The following NOSTRIN variants were observed in gnomAD, a reference collection of about 807,000 sequenced individuals.
NOSTRIN encodes BM247 homolog.
NOSTRIN carries 63 observed loss-of-function variants against 59.0 expected under a neutral mutation model. The ratio of observed to expected loss-of-function variants is 1.07; its 90% CI spans 0.87 to 1.32. NOSTRIN has a LOEUF of 1.32. Ranked by LOEUF, NOSTRIN falls within the 40% of genes most tolerant of loss-of-function variation. NOSTRIN has a pLI of 0.00. For missense variants in NOSTRIN, 512 were observed against 473.1 expected (o/e 1.08, Z -0.76); for synonymous variants, 200 against 165.4 (o/e 1.21, Z -1.61).
intron 2 of NOSTRIN, among the ~76,000 whole-genome samples, chr2:168,817,157 A>T (rs1219007955): frequency 6.6e-6 from 1 of 152,228 alleles, no homozygotes; most frequent in Non-Finnish European, 1.5e-5. Context: ...GATATGGAAA[A>T]GATGATACAT....
chr2:168,864,147 T>C (rs568729913), intron 15 of NOSTRIN, among the ~76,000 whole-genome samples: 38 of 152,240 alleles, frequency 2.5e-4, no homozygotes, highest in African/African-American at 8.4e-4. Flanking sequence ...TTTGTATTTT[T>C]AGTAGAGACG....
chr2:168,797,446 T>A (rs1384831769), upstream of NOSTRIN, among the ~76,000 whole-genome samples: 1 of 152,024 alleles, frequency 6.6e-6, no homozygotes, highest in Non-Finnish European at 1.5e-5. Context: ...AAGAGGTGTG[T>A]GCAATGGATA....
intron 6 of NOSTRIN, among the ~76,000 whole-genome samples, chr2:168,832,977 G>A (rs1034302655): frequency 3.9e-5 from 6 of 152,086 alleles, no homozygotes; most frequent in South Asian, 2.1e-4. Context: ...GCTTTCACAG[G>A]AATTCAGTAC....
intron 13 of NOSTRIN, among the ~76,000 whole-genome samples, chr2:168,860,407 A>T (rs1253916320): frequency 6.6e-6 from 1 of 152,096 alleles, no homozygotes; most frequent in Non-Finnish European, 1.5e-5. Context: ...GCAGTGGCTC[A>T]TGCCTGTAAT....
upstream of NOSTRIN, among the ~76,000 whole-genome samples, chr2:168,796,452 T>C (rs1685482272): frequency 6.6e-6 from 1 of 152,240 alleles, no homozygotes; most frequent in Admixed American, 6.5e-5. Flanking sequence ...GCGGGCCAGC[T>C]GCCCCAAGCC....
At position 168,828,514 on chromosome 2, in the gene NOSTRIN, C is replaced by A. The variant is rs1321544824; in HGVS notation, c.342+13C>A. ...GAAGAGAAAATCAGTGAGTCCAAAC[C>A]TTTCTTTACTCTTCCTGTTTAAAGC... is the stretch of plus-strand genomic sequence containing the variant. On this transcript the variant is annotated intron_variant, in intron 5 of 15. Coordinates refer to ENST00000317647, the MANE Select transcript of NOSTRIN (RefSeq NM_001039724.4). 1.2e-6 allele frequency: 1 copy of A among 847,832 alleles called. No individual in the cohort carries two copies. Among genetic ancestry groups the A allele is most frequent in the South Asian group, 1.4e-5 (1 of 70,456 alleles). The allele number at this position is 847,832 out of a possible 1,614,324, so 52.5% of individuals were successfully genotyped here.
At chr2:168,856,409 T>C (rs1243069539) in intron 11 of NOSTRIN, 4 of 371,630 alleles carry the variant, frequency 1.1e-5, no homozygotes. Flanking sequence ...ACTGTGTCTC[T>C]ACTAAAAATA....
rs1428710049 is a variant in NOSTRIN, at chr2:168,856,725, T to A, written c.1000T>A (p.Ser334Thr). The A allele has an allele frequency of 5.6e-6, 9 of 1,613,994 alleles. No individual in the cohort carries two copies. Among genetic ancestry groups the A allele is most frequent in the Non-Finnish European group, 7.6e-6 (9 of 1,179,998 alleles). Residue 334 changes from serine (S) to threonine (T), a missense_variant, in exon 12 of 16, where the codon TCC becomes ACC. Ser to Thr is a moderately conservative substitution (Grantham distance 58). Transcript: ENST00000317647. ...ERMLKTYSST[S>T]SFSDAKSQKD... ...AATGCTTAAAACGTACTCCAGCACC[T>A]CCTCCTTCTCTGATGCAAAGAGCCA...
intron 15 of NOSTRIN, chr2:168,863,611 CTAAGTTGTT>C: frequency 5.1e-6 from 5 of 985,170 alleles, no homozygotes; most frequent in Non-Finnish European, 6.0e-6. Context: ...TTAAAGTTGT[CTAAGTTGTT>C]GAATGGGGAG....
intron 8 of NOSTRIN, 179 bp from the exon 9 acceptor site, chr2:168,850,905 A>C (rs1688726134): frequency 1.3e-6 from 1 of 798,210 alleles, no homozygotes. Flanking sequence ...GAGTGATTTA[A>C]GATACCAAGA....
intron 7 of NOSTRIN, among the ~76,000 whole-genome samples, chr2:168,841,980 T>C (rs929470269): frequency 2.0e-5 from 3 of 152,238 alleles, no homozygotes; most frequent in Non-Finnish European, 4.4e-5. Flanking sequence ...TTGGCCTCTC[T>C]GTGCAGCCTT....
chr2:168,815,601 T>G (rs938792007), intron 2 of NOSTRIN, among the ~76,000 whole-genome samples: 4 of 152,184 alleles, frequency 2.6e-5, no homozygotes, highest in Non-Finnish European at 4.4e-5. Flanking sequence ...CATGATTCAT[T>G]GCGGACACTG....
At chr2:168,839,078 C>A (rs1458518132) in intron 7 of NOSTRIN, among the ~76,000 whole-genome samples, 1 of 152,172 alleles carries the variant, frequency 6.6e-6, no homozygotes, top group Non-Finnish European at 1.5e-5. Flanking sequence ...AACCACCACA[C>A]CCAGCCAGGA....
rs547922380 is a variant in NOSTRIN at position 168,854,349 on chromosome 2, C to T, written c.856-1003C>T. On this transcript the variant is annotated intron_variant, in intron 10 of 15. Coordinates refer to ENST00000317647, the MANE Select transcript of NOSTRIN (RefSeq NM_001039724.4). Reference sequence around the variant, plus strand: ...CCTAATTTTTCTCCTTCCTTATCAGCGAAGCCTGCATCCTCCCCTCCCACC... The same window carrying T: ...CCTAATTTTTCTCCTTCCTTATCAGTGAAGCCTGCATCCTCCCCTCCCACC... 1.1e-4 allele frequency among the ~76,000 whole-genome samples: 17 copies of T among 152,280 alleles called. No homozygotes were observed. In the South Asian group the frequency reaches 1.9e-3, roughly 17 times the overall value.
At chr2:168,795,065 T>A (rs1364699189), upstream of NOSTRIN, among the ~76,000 whole-genome samples, 1 of 152,236 alleles carries the variant, frequency 6.6e-6, no homozygotes, top group Admixed American at 6.5e-5. Context: ...ATGCTTTTGT[T>A]TCTTCTCTAA....
At chr2:168,863,485 G>A (rs190887604) in intron 15 of NOSTRIN, 355 of 985,364 alleles carry the variant, frequency 3.6e-4, no homozygotes, top group Admixed American at 4.9e-4. Flanking sequence ...TGATCCTGAA[G>A]GGGGCAGATC....
intron 14 of NOSTRIN, among the ~76,000 whole-genome samples, chr2:168,861,728 A>G (rs1689463259): frequency 1.3e-5 from 2 of 152,324 alleles, no homozygotes; most frequent in South Asian, 4.1e-4. Flanking sequence ...TATTTCATGT[A>G]TTATAATATA....
At chr2:168,799,582 G>A (rs1281120483), upstream of NOSTRIN, among the ~76,000 whole-genome samples, 2 of 152,186 alleles carry the variant, frequency 1.3e-5, no homozygotes, top group Non-Finnish European at 2.9e-5. Context: ...ATCCAGGAGA[G>A]GTGCTTTTTG....
intron 2 of NOSTRIN, among the ~76,000 whole-genome samples, chr2:168,822,614 T>C (rs2105601759): frequency 6.6e-6 from 1 of 152,308 alleles, no homozygotes; most frequent in South Asian, 2.1e-4. Flanking sequence ...GAAAACATAA[T>C]ATAAATTGAA....
Sources: allele counts gnomAD v4.1 joint callset (sites outside exome capture counted in the v4.1 genomes callset), GRCh38; gene constraint gnomAD v4.1.1; transcripts MANE v1.5; gene names NCBI Gene and HGNC (gene_info 2026-07-23, HGNC 2026-07-21).